Variants in ANXA6 observed in about 807,000 individuals in gnomAD.
ANXA6 encodes the protein 67 kDa calelectrin.
In ANXA6, 71 loss-of-function variants were observed where a neutral mutation model predicts 95.4. The observed-to-expected ratio is 0.74, with a 90% CI of 0.61 to 0.91. The LOEUF (loss-of-function observed/expected upper bound fraction) is 0.91, where lower values mean the gene tolerates loss of function less well. Ranked by LOEUF, ANXA6 falls within the 40% of genes least tolerant of loss-of-function variation. The pLI, the probability that ANXA6 is intolerant of heterozygous loss-of-function variation, is 0.00. For missense variants in ANXA6, 830 were observed against 876.4 expected (o/e 0.95, Z 0.67); for synonymous variants, 289 against 315.9 (o/e 0.91, Z 0.90).
At position 151,126,396 on chromosome 5, in the gene ANXA6, T is replaced by G. The variant is rs1243858090; in HGVS notation, c.1056+6A>C. 4 of 1,605,354 alleles carry G rather than the reference T, an allele frequency of 2.5e-6. No individual in the cohort carries two copies. The East Asian group carries it at 9.0e-5, about 36-fold the overall frequency. On this transcript the variant is annotated splice_donor_region_variant and intron_variant, in intron 14 of 25. Transcript: ENST00000354546. ...GAGGTCAAGCAGGAGGAGGGGAAGG[T>G]CTGACCTCTACTCGGGCCACTGCAC...
In ANXA6 at chr5:151,105,049, C is replaced by T. The variant is rs139665358; in HGVS notation, c.1839+196G>A. Reference sequence around the variant, plus strand: ...GGATATTGCCAAATATCCTCCGGGGCGGGGGAAGGCGGGGGAAATCACCCC... The same window carrying T: ...GGATATTGCCAAATATCCTCCGGGGTGGGGGAAGGCGGGGGAAATCACCCC... On this transcript the variant is annotated intron_variant, in intron 24 of 25. Coordinates refer to ENST00000354546, the MANE Select transcript of ANXA6 (RefSeq NM_001155.5). Among the ~76,000 whole-genome samples the T allele has an allele frequency of 1.7e-3, 255 of 152,208 alleles. 2 individuals carry two copies. In the Middle Eastern group the frequency reaches 0.024, roughly 14 times the overall value.
chr5:151,112,651 G>C lies in ANXA6; in HGVS notation c.1573-2007C>G, dbSNP rs912257238. Among the ~76,000 whole-genome samples the C allele has an allele frequency of 3.3e-5, 5 of 152,156 alleles. No homozygotes were observed. In the East Asian group the frequency reaches 9.6e-4, roughly 29 times the overall value. On this transcript the variant is annotated intron_variant, in intron 20 of 25. Coordinates refer to ENST00000354546, the MANE Select transcript of ANXA6 (RefSeq NM_001155.5). ...GTTTGAGACCAGCCGGGATAACGTG[G>C]AGAAACCCTACTCTACCAAAAAATT...
At chr5:151,141,765 T>C in intron 2 of ANXA6, 1 of 955,828 alleles carries the variant, frequency 1.0e-6, no homozygotes, top group Non-Finnish European at 1.2e-6. Context: ...GGGAATCCCC[T>C]GCAACCTGAT....
chr5:151,139,948 AT>A (rs1765779870), intron 3 of ANXA6, among the ~76,000 whole-genome samples: 1 of 152,210 alleles, frequency 6.6e-6, no homozygotes, highest in Non-Finnish European at 1.5e-5. Flanking sequence ...TGGTAAATCT[AT>A]GGGTGAAATT....
chr5:151,117,116 G>A lies in ANXA6; in HGVS notation c.1572+11C>T. 6.3e-7 allele frequency: 1 copy of A among 1,583,026 alleles called. No homozygotes were observed. Among genetic ancestry groups the A allele is most frequent in the South Asian group, 1.1e-5 (1 of 87,652 alleles). On this transcript the variant is annotated intron_variant, in intron 20 of 25. Coordinates refer to ENST00000354546, the MANE Select transcript of ANXA6 (RefSeq NM_001155.5). Reference sequence around the variant, plus strand: ...CCGGCAGAGGTGACTGGGGTGGGCTGGGGGTCTTACCTGGGCATCTTCCCG... The same window carrying A: ...CCGGCAGAGGTGACTGGGGTGGGCTAGGGGTCTTACCTGGGCATCTTCCCG...
chr5:151,149,431 G>A (rs1486543680), intron 1 of ANXA6, among the ~76,000 whole-genome samples: 1 of 152,166 alleles, frequency 6.6e-6, no homozygotes, highest in Non-Finnish European at 1.5e-5. Context: ...ATCTTCTTAA[G>A]AGAAGGAGAA....
rs148305261 is a variant in ANXA6, at chr5:151,129,145, C to T, written c.918+262G>A. The stretch of plus-strand genomic sequence containing the variant: ...ATCACTGCCCTTGGGGCAGAGTCCT[C>T]GCACTTAATTCAGCTTGCGTGTCCT... On this transcript the variant is annotated intron_variant, in intron 12 of 25. Transcript: ENST00000354546. Among the ~76,000 whole-genome samples the T allele has an allele frequency of 2.0e-4, 31 of 152,352 alleles. No individual in the cohort carries two copies. The South Asian group carries it at 5.4e-3, about 26-fold the overall frequency.
At position 151,137,977 on chromosome 5, in the gene ANXA6, T is replaced by A. The variant is rs991730234; in HGVS notation, c.319-656A>T. Among the ~76,000 whole-genome samples, 3 of 152,202 alleles carry A rather than the reference T, an allele frequency of 2.0e-5. No individual in the cohort carries two copies. In the East Asian group the frequency reaches 5.8e-4, roughly 29 times the overall value. ...ATCTTTTTGGGCCTCAGTTTTCTCA[T>A]CTGTAAAATGTAGATGATATTAGTT... On this transcript the variant is annotated intron_variant, in intron 5 of 25. Coordinates refer to ENST00000354546, the MANE Select transcript of ANXA6 (RefSeq NM_001155.5).
intron 24 of ANXA6, among the ~76,000 whole-genome samples, chr5:151,104,739 C>A (rs1019200345): frequency 6.6e-6 from 1 of 152,192 alleles, no homozygotes; most frequent in Non-Finnish European, 1.5e-5. Flanking sequence ...CCCAGAAGGG[C>A]AGGACTAGAC....
intron 15 of ANXA6, 128 bp from the exon 16 acceptor site, chr5:151,123,139 C>A (rs1052327263): frequency 2.5e-5 from 19 of 773,186 alleles, no homozygotes; most frequent in South Asian, 2.0e-4. Context: ...CCATGTGCTC[C>A]TGAGTCCCTG....
At chr5:151,118,862 C>G (rs1765082582) in intron 18 of ANXA6, among the ~76,000 whole-genome samples, 1 of 152,156 alleles carries the variant, frequency 6.6e-6, no homozygotes, top group Non-Finnish European at 1.5e-5. Flanking sequence ...GCCACTGCAC[C>G]TAGCCGATTT....
intron 8 of ANXA6, among the ~76,000 whole-genome samples, chr5:151,133,533 C>A (rs892028203): frequency 3.3e-5 from 5 of 152,142 alleles, no homozygotes; most frequent in Non-Finnish European, 5.9e-5. Flanking sequence ...AACTGCAACA[C>A]AATGGCAAGA....
At chr5:151,106,413 C>T (rs1408936021) in intron 23 of ANXA6, among the ~76,000 whole-genome samples, 1 of 152,176 alleles carries the variant, frequency 6.6e-6, no homozygotes, top group Non-Finnish European at 1.5e-5. Context: ...CTGCAACAGG[C>T]TCAGGAACCC....
At chr5:151,107,477 A>G (rs1764726974) in intron 23 of ANXA6, among the ~76,000 whole-genome samples, 1 of 152,200 alleles carries the variant, frequency 6.6e-6, no homozygotes, top group South Asian at 2.1e-4. Flanking sequence ...GTAAAGGCCC[A>G]TCACGTGCTA....
Position 151,117,844 on chromosome 5 carries a change from C to T in ANXA6, c.1439-7G>A. On this transcript the variant is annotated splice_polypyrimidine_tract_variant and splice_region_variant and intron_variant, in intron 18 of 25. Coordinates refer to ENST00000354546, the MANE Select transcript of ANXA6 (RefSeq NM_001155.5). ...TCCAGGGACTTGTGATAGTCTGAGGCAGAGAAAGGGGGTGTGGGTAGCTGC... is the reference window on the plus strand; with the variant it reads ...TCCAGGGACTTGTGATAGTCTGAGGTAGAGAAAGGGGGTGTGGGTAGCTGC... 1.9e-6 allele frequency: 3 copies of T among 1,612,204 alleles called. No individual in the cohort carries two copies. Among genetic ancestry groups the T allele is most frequent in the Non-Finnish European group, 2.5e-6 (3 of 1,178,566 alleles).
At chr5:151,112,978 G>A (rs934138694) in intron 20 of ANXA6, among the ~76,000 whole-genome samples, 1 of 152,210 alleles carries the variant, frequency 6.6e-6, no homozygotes. Flanking sequence ...CTGGGGGAAG[G>A]GAGAATGGGG....
chr5:151,136,464 T>C, intron 6 of ANXA6, 129 bp from the exon 7 acceptor site: 7 of 753,446 alleles, frequency 9.3e-6, no homozygotes, highest in South Asian at 1.7e-5. Flanking sequence ...ACGTCCATCA[T>C]GGCAAGACCC....
At chr5:151,106,724 C>A (rs987640230) in intron 23 of ANXA6, among the ~76,000 whole-genome samples, 2 of 152,176 alleles carry the variant, frequency 1.3e-5, no homozygotes, top group South Asian at 2.1e-4. Context: ...CTCCAGGAAG[C>A]CTTCCCTGAC....
chr5:151,108,594 C>T lies in ANXA6; in HGVS notation c.1685-44G>A, dbSNP rs376705520. ...CCAGAGGTGGGGGTGAGCTTCAGTG[C>T]AGGAGGCGGAGGACCCCTCCTCAGC... On this transcript the variant is annotated intron_variant, in intron 22 of 25. Coordinates refer to ENST00000354546, the MANE Select transcript of ANXA6 (RefSeq NM_001155.5). 8 of 1,572,528 alleles carry T rather than the reference C, an allele frequency of 5.1e-6. No individual in the cohort carries two copies. In the African/African-American group the frequency reaches 1.1e-4, roughly 21 times the overall value.
Sources: allele counts gnomAD v4.1 joint callset (sites outside exome capture counted in the v4.1 genomes callset), GRCh38; gene constraint gnomAD v4.1.1; transcripts MANE v1.5; gene names NCBI Gene and HGNC (gene_info 2026-07-23, HGNC 2026-07-21).